The following ATRNL1 variants were observed in gnomAD, a reference collection of about 807,000 sequenced individuals.
ATRNL1 encodes the protein attractin-like protein 1.
A neutral mutation model predicts 182.7 loss-of-function variants in ATRNL1; 95 were observed. That is an observed-to-expected ratio of 0.52 (90% CI 0.44 to 0.62). The LOEUF (loss-of-function observed/expected upper bound fraction) is 0.62, where lower values mean the gene tolerates loss of function less well. Ranked by LOEUF, ATRNL1 falls within the 20% of genes least tolerant of loss-of-function variation. ATRNL1 has a pLI of 0.00. For missense variants in ATRNL1, 1,471 were observed against 1,679.5 expected, an observed-to-expected ratio of 0.88 and a Z score of 2.17; for synonymous variants, 576 against 568.3, an observed-to-expected ratio of 1.01 and a Z score of -0.19.
At position 115,869,125 on chromosome 10, in the gene ATRNL1, G is replaced by A. The variant is rs1303994636; in HGVS notation, c.4018+21134G>A. On this transcript the variant is annotated intron_variant, in intron 28 of 28. Transcript: ENST00000355044. Reference sequence around the variant, plus strand: ...ATTACAGGCGTGAGCCACCGCAGCCGGCCAAGTCTTTATTCTTTTAATTGG... The same window carrying A: ...ATTACAGGCGTGAGCCACCGCAGCCAGCCAAGTCTTTATTCTTTTAATTGG... Among the ~76,000 whole-genome samples, 3 of 152,072 alleles carry A rather than the reference G, an allele frequency of 2.0e-5. No homozygotes were observed. In the South Asian group the frequency reaches 6.2e-4, roughly 31 times the overall value.
At chr10:115,276,381 C>T (rs957314122) in intron 13 of ATRNL1, among the ~76,000 whole-genome samples, 3 of 152,116 alleles carry the variant, frequency 2.0e-5, no homozygotes, top group Non-Finnish European at 4.4e-5. Flanking sequence ...ACAGACATAT[C>T]TTAAAAATTG....
intron 27 of ATRNL1, among the ~76,000 whole-genome samples, chr10:115,750,936 A>T (rs1434079519): frequency 6.6e-6 from 1 of 152,116 alleles, no homozygotes; most frequent in African/African-American, 2.4e-5. Context: ...TGGCAAAAAC[A>T]CAAAAGGTTG....
chr10:115,645,814 C>G (rs1045241336), intron 26 of ATRNL1, among the ~76,000 whole-genome samples: 8 of 151,852 alleles, frequency 5.3e-5, no homozygotes, highest in African/African-American at 1.9e-4. Flanking sequence ...TCTTGAAGCC[C>G]CACTCATTTC....
intron 27 of ATRNL1, among the ~76,000 whole-genome samples, chr10:115,798,920 G>A (rs1042968694): frequency 6.7e-6 from 1 of 150,226 alleles, no homozygotes; most frequent in East Asian, 2.0e-4. Flanking sequence ...TCCGCTTCCT[G>A]GGCTCAAGTG....
chr10:115,534,681 G>C (rs2133761028), intron 25 of ATRNL1, among the ~76,000 whole-genome samples: 1 of 152,192 alleles, frequency 6.6e-6, no homozygotes, highest in South Asian at 2.1e-4. Context: ...CTGGTTAGTT[G>C]ATGCAGTTTC....
chr10:115,589,618 A>G (rs1376744798), intron 26 of ATRNL1, among the ~76,000 whole-genome samples: 2 of 152,152 alleles, frequency 1.3e-5, no homozygotes, highest in Middle Eastern at 3.2e-3. Flanking sequence ...GTAGGATGAT[A>G]TATTTTCTTG....
At chr10:115,628,597 CT>C (rs1555025387) in intron 26 of ATRNL1, among the ~76,000 whole-genome samples, 1 of 152,040 alleles carries the variant, frequency 6.6e-6, no homozygotes, top group South Asian at 2.1e-4. Flanking sequence ...TCAATTTATA[CT>C]TTTTTTCTTT....
intron 9 of ATRNL1, among the ~76,000 whole-genome samples, chr10:115,222,953 A>G (rs34873028): frequency 0.29 from 43,721 of 152,110 alleles, 8,152 homozygotes; most frequent in Middle Eastern, 0.41. Context: ...CTAATAGCAC[A>G]TAAGTCAGAA....
chr10:115,892,265 G>C (rs1386973721), intron 28 of ATRNL1, among the ~76,000 whole-genome samples: 2 of 152,150 alleles, frequency 1.3e-5, no homozygotes, highest in Non-Finnish European at 2.9e-5. Flanking sequence ...AACACAATCA[G>C]TTAACTATTT....
chr10:115,758,826 C>T (rs1015577285), intron 27 of ATRNL1, among the ~76,000 whole-genome samples: 3 of 152,244 alleles, frequency 2.0e-5, no homozygotes, highest in Non-Finnish European at 4.4e-5. Context: ...GAGGGTAAAA[C>T]CCGCCTACTC....
At chr10:115,732,582 A>T (rs1947830872) in intron 27 of ATRNL1, among the ~76,000 whole-genome samples, 1 of 152,200 alleles carries the variant, frequency 6.6e-6, no homozygotes, top group Non-Finnish European at 1.5e-5. Flanking sequence ...CTATAAAATA[A>T]GCAGAACATA....
intron 27 of ATRNL1, among the ~76,000 whole-genome samples, chr10:115,749,198 T>C (rs1282149887): frequency 1.3e-5 from 2 of 151,884 alleles, no homozygotes; most frequent in African/African-American, 2.4e-5. Flanking sequence ...TATAAGAACA[T>C]AGTGTATTTC....
chr10:115,238,389 C>T (rs1408840870), intron 9 of ATRNL1, among the ~76,000 whole-genome samples: 6 of 152,140 alleles, frequency 3.9e-5, no homozygotes, highest in African/African-American at 4.8e-5. Context: ...TGTTCATGTA[C>T]TATCTCTTTA....
At chr10:115,607,573 T>C (rs566810537) in intron 26 of ATRNL1, among the ~76,000 whole-genome samples, 1 of 151,940 alleles carries the variant, frequency 6.6e-6, no homozygotes, top group South Asian at 2.1e-4. Context: ...TTTTTACAGT[T>C]GAGGAAATTG....
intron 25 of ATRNL1, among the ~76,000 whole-genome samples, chr10:115,528,201 T>G (rs1033349175): frequency 8.7e-6 from 1 of 114,688 alleles, no homozygotes; most frequent in African/African-American, 3.7e-5. Flanking sequence ...AGTTTGAGCA[T>G]TGGTATTAGT....
At chr10:115,156,974 A>T (rs1554882272) in intron 5 of ATRNL1, among the ~76,000 whole-genome samples, 1 of 152,082 alleles carries the variant, frequency 6.6e-6, no homozygotes, top group Non-Finnish European at 1.5e-5. Flanking sequence ...GGAGAGAGGG[A>T]TGACGAGAGG....
chr10:115,566,579 T>C (rs2247151), intron 26 of ATRNL1, among the ~76,000 whole-genome samples: 148,025 of 152,234 alleles, frequency 0.97, 72,133 homozygotes, highest in East Asian at 1. Flanking sequence ...CTAAATGATA[T>C]TACGGAGACT....
chr10:115,598,168 G>A lies in ATRNL1; in HGVS notation c.3795+48632G>A, dbSNP rs142718957. On this transcript the variant is annotated intron_variant, in intron 26 of 28. Coordinates refer to ENST00000355044, the MANE Select transcript of ATRNL1 (RefSeq NM_207303.4). Reference sequence around the variant, plus strand: ...AGCCCAGGCAAGCGATAAAACAATAGCATCAGCATATTAACAGCAATATTC... The same window carrying A: ...AGCCCAGGCAAGCGATAAAACAATAACATCAGCATATTAACAGCAATATTC... Among the ~76,000 whole-genome samples the A allele has an allele frequency of 4.2e-3, 631 of 151,330 alleles. 3 individuals carry two copies. Among genetic ancestry groups the A allele is most frequent in the African/African-American group, 0.013 (555 of 41,286 alleles).
chr10:115,135,834 G>A (rs782146772), intron 5 of ATRNL1, among the ~76,000 whole-genome samples: 2 of 151,836 alleles, frequency 1.3e-5, no homozygotes, highest in South Asian at 2.1e-4. Context: ...TAACCTACCT[G>A]GTCTTGTGTG....
Sources: gnomAD v4.1 joint callset for allele counts (sites outside exome capture counted in the v4.1 genomes callset) on GRCh38, gnomAD v4.1.1 for gene constraint, MANE v1.5 for transcripts, NCBI Gene and HGNC (gene_info 2026-07-23, HGNC 2026-07-21) for gene names.